The following MYO1E variants were observed in gnomAD, a reference collection of about 807,000 sequenced individuals.
The protein encoded by MYO1E is myosin IE.
In MYO1E, 68 loss-of-function variants were observed where a neutral mutation model predicts 151.1. That is an observed-to-expected ratio of 0.45 (90% CI 0.37 to 0.55). The LOEUF is 0.55. Ranked by LOEUF, MYO1E falls within the 20% of genes least tolerant of loss-of-function variation. The pLI is 0.00. For synonymous variants in MYO1E, 601 were observed against 501.7 expected (o/e 1.20, Z -2.64); for missense variants, 1,363 against 1,389.3 (o/e 0.98, Z 0.30).
intron 6 of MYO1E, among the ~76,000 whole-genome samples, chr15:59,230,857 G>A (rs181206648): frequency 6.6e-6 from 1 of 152,114 alleles, no homozygotes; most frequent in East Asian, 1.9e-4. Flanking sequence ...CCTCACAGAT[G>A]GCTCCGTGAA....
chr15:59,347,077 G>C (rs1001992019), intron 1 of MYO1E, among the ~76,000 whole-genome samples: 2 of 152,122 alleles, frequency 1.3e-5, no homozygotes, highest in Admixed American at 6.5e-5. Flanking sequence ...TCTAGAGCAC[G>C]GGTTCCCAAC....
chr15:59,160,179 A>G (rs1329801944), intron 24 of MYO1E, among the ~76,000 whole-genome samples: 26 of 152,060 alleles, frequency 1.7e-4, no homozygotes, highest in Admixed American at 1.7e-3. Context: ...GTGTGTGATC[A>G]CACACAGGCT....
chr15:59,186,534 G>A (rs1955348320), intron 18 of MYO1E, among the ~76,000 whole-genome samples: 1 of 152,196 alleles, frequency 6.6e-6, no homozygotes, highest in Non-Finnish European at 1.5e-5. Flanking sequence ...GGGAGGTTGA[G>A]GTGGGAGGAT....
intron 1 of MYO1E, among the ~76,000 whole-genome samples, chr15:59,309,330 A>G (rs2080535461): frequency 6.6e-6 from 1 of 152,210 alleles, no homozygotes; most frequent in Admixed American, 6.5e-5. Flanking sequence ...GTGTCTCCTC[A>G]CAATACTACA....
chr15:59,333,565 A>G (rs984549846), intron 1 of MYO1E, among the ~76,000 whole-genome samples: 4 of 152,102 alleles, frequency 2.6e-5, no homozygotes, highest in African/African-American at 9.7e-5. Context: ...TCTACTCACC[A>G]ACCTCCCACA....
At chr15:59,275,017 C>A (rs1364491242) in intron 1 of MYO1E, among the ~76,000 whole-genome samples, 1 of 152,166 alleles carries the variant, frequency 6.6e-6, no homozygotes, top group Admixed American at 6.5e-5. Context: ...CTACTTACTA[C>A]TGCAAGCAAT....
In MYO1E at chr15:59,209,028, A is replaced by G. The variant is rs28437216; in HGVS notation, c.1363-180T>C. The G allele has an allele frequency of 3.3e-4, 245 of 732,722 alleles. No individual in the cohort carries two copies. The African/African-American group carries it at 3.7e-3, about 11-fold the overall frequency. The allele number at this position is 732,722 out of a possible 1,614,324, so 45.4% of individuals were successfully genotyped here. A position where few individuals can be genotyped will look rare whatever the true frequency, so the allele number is the denominator to read the frequency against. ...TCCCAAATAGGGAGTCACCACTTAGATCTAAAGAGGGAGGAAACTCCACTT... is the reference window on the plus strand; with the variant it reads ...TCCCAAATAGGGAGTCACCACTTAGGTCTAAAGAGGGAGGAAACTCCACTT... On this transcript the variant is annotated intron_variant, in intron 13 of 27. Transcript: ENST00000288235.
chr15:59,258,951 CTT>C (rs1331142912), intron 3 of MYO1E, among the ~76,000 whole-genome samples: 8 of 151,032 alleles, frequency 5.3e-5, no homozygotes, highest in Non-Finnish European at 1.0e-4. Flanking sequence ...ATTCCCCTCT[CTT>C]GTTTTTTTTT....
At chr15:59,345,983 C>A (rs1280313013) in intron 1 of MYO1E, among the ~76,000 whole-genome samples, 1 of 152,236 alleles carries the variant, frequency 6.6e-6, no homozygotes, top group Admixed American at 6.5e-5. Context: ...GGAGGTAGTA[C>A]TTCCGAATGC....
chr15:59,216,662 A>ATG (rs1193503156), intron 10 of MYO1E, among the ~76,000 whole-genome samples: 1,134 of 17,342 alleles, frequency 0.065, 107 homozygotes, highest in Middle Eastern at 0.17. Flanking sequence ...GTGTGTGTGT[A>ATG]TGTGTATATA....
chr15:59,223,877 C>A (rs1596373551), intron 8 of MYO1E, among the ~76,000 whole-genome samples: 1 of 152,324 alleles, frequency 6.6e-6, no homozygotes, highest in East Asian at 1.9e-4. Flanking sequence ...CTTTTCCCCG[C>A]AGCTGCTTTG....
At chr15:59,250,248 G>A (rs1222536952) in intron 4 of MYO1E, among the ~76,000 whole-genome samples, 1 of 152,140 alleles carries the variant, frequency 6.6e-6, no homozygotes, top group African/African-American at 2.4e-5. Flanking sequence ...GGGGGCTTTG[G>A]GACATACCAT....
rs185746440 is a variant in MYO1E, at chr15:59,151,052, C to T, written c.3080+2538G>A. ...ACACACACACACACACACACACACGCGCGCGCGCGCACGTGCACTTAGAGA... is the reference window on the plus strand; with the variant it reads ...ACACACACACACACACACACACACGTGCGCGCGCGCACGTGCACTTAGAGA... On this transcript the variant is annotated intron_variant, in intron 26 of 27. Transcript: ENST00000288235. Among the ~76,000 whole-genome samples the T allele has an allele frequency of 6.4e-3, 885 of 139,328 alleles. 6 individuals carry two copies. Among genetic ancestry groups the T allele is most frequent in the African/African-American group, 0.024 (856 of 35,084 alleles). The allele number at this position is 139,328 out of a possible 152,430, so 91.4% of individuals were successfully genotyped here.
At chr15:59,269,642 G>A (rs1235351530) in intron 2 of MYO1E, among the ~76,000 whole-genome samples, 1 of 152,146 alleles carries the variant, frequency 6.6e-6, no homozygotes, top group Non-Finnish European at 1.5e-5. Context: ...CAGATCATGA[G>A]GTGAAGAGAT....
chr15:59,231,894 AG>A, intron 5 of MYO1E, 103 bp from the exon 6 acceptor site: 1 of 1,238,462 alleles, frequency 8.1e-7, no homozygotes, highest in Non-Finnish European at 1.2e-6. Context: ...CATTAAGGTG[AG>A]GGGCCCCACA....
intron 1 of MYO1E, among the ~76,000 whole-genome samples, chr15:59,318,142 G>A (rs1018004151): frequency 1.4e-4 from 22 of 152,152 alleles, no homozygotes; most frequent in African/African-American, 4.3e-4. Context: ...CATGTAGGAC[G>A]AACCAGAGGG....
At chr15:59,193,698 G>C (rs368086420) in intron 17 of MYO1E, among the ~76,000 whole-genome samples, 532 of 152,162 alleles carry the variant, frequency 3.5e-3, no homozygotes, top group South Asian at 0.016. Flanking sequence ...TGAAAACCTG[G>C]GATTAGGATA....
At chr15:59,279,685 T>C (rs761360139) in intron 1 of MYO1E, among the ~76,000 whole-genome samples, 19 of 152,172 alleles carry the variant, frequency 1.2e-4, no homozygotes, top group Non-Finnish European at 2.2e-4. Flanking sequence ...AGAGCTGGTT[T>C]TACATGATGA....
chr15:59,137,532 T>C, intron 27 of MYO1E, 76 bp from the exon 28 acceptor site: 4 of 1,167,912 alleles, frequency 3.4e-6, no homozygotes, highest in Non-Finnish European at 5.2e-6. Flanking sequence ...TCCGCTCCCA[T>C]GGGCTCAAGT....
Sources: gnomAD v4.1 joint callset for allele counts (sites outside exome capture counted in the v4.1 genomes callset) on GRCh38, gnomAD v4.1.1 for gene constraint, MANE v1.5 for transcripts, NCBI Gene and HGNC (gene_info 2026-07-23, HGNC 2026-07-21) for gene names.